ENTREP2: variants seen among roughly 807,000 people sequenced by gnomAD.
ENTREP2 encodes protein ENTREP2.
chr15:29,536,505 G>A, the ENTREP2 span, among the ~76,000 whole-genome samples: 1 of 151,762 alleles, frequency 6.6e-6, no homozygotes, highest in Non-Finnish European at 1.5e-5. Context: ...TCAGGAGGCT[G>A]AGGCAGAAGA....
chr15:29,484,041 T>C, the ENTREP2 span, among the ~76,000 whole-genome samples: 2 of 152,320 alleles, frequency 1.3e-5, no homozygotes, highest in Non-Finnish European at 2.9e-5. Context: ...CAGGTAGACA[T>C]GTGCAACCCA....
the ENTREP2 span, among the ~76,000 whole-genome samples, chr15:29,312,603 G>A: frequency 5.9e-5 from 9 of 152,086 alleles, no homozygotes; most frequent in African/African-American, 2.2e-4. Flanking sequence ...AGTGGCCTGT[G>A]ATCAGTGACC....
At chr15:29,329,607 A>C in the ENTREP2 span, among the ~76,000 whole-genome samples, 1 of 152,194 alleles carries the variant, frequency 6.6e-6, no homozygotes, top group Non-Finnish European at 1.5e-5. Flanking sequence ...AACCAAAAGA[A>C]CCAGAGCTTT....
chr15:29,622,231 G>A, the ENTREP2 span, among the ~76,000 whole-genome samples: 1 of 150,882 alleles, frequency 6.6e-6, no homozygotes, highest in African/African-American at 2.5e-5. Context: ...TTTTGAGATG[G>A]AGTCTAGCTC....
the ENTREP2 span, among the ~76,000 whole-genome samples, chr15:29,233,176 T>A: frequency 6.6e-6 from 1 of 152,228 alleles, no homozygotes; most frequent in Non-Finnish European, 1.5e-5. Flanking sequence ...CAAGTGGAAG[T>A]GGGAGCTTCT....
the ENTREP2 span, among the ~76,000 whole-genome samples, chr15:29,621,205 C>T: frequency 6.0e-5 from 9 of 150,840 alleles, no homozygotes; most frequent in African/African-American, 2.0e-4. Context: ...CTGGCTAACA[C>T]GGTGAAACCC....
the ENTREP2 span, among the ~76,000 whole-genome samples, chr15:29,286,663 C>T: frequency 6.6e-6 from 1 of 152,232 alleles, no homozygotes; most frequent in South Asian, 2.1e-4. Flanking sequence ...TAGTGCTCTC[C>T]TTGCACGGAC....
At chr15:29,669,764 G>A in the ENTREP2 span, among the ~76,000 whole-genome samples, 1 of 152,292 alleles carries the variant, frequency 6.6e-6, no homozygotes, top group South Asian at 2.1e-4. Flanking sequence ...CTGGAGAGAG[G>A]TGATTGAATT....
At chr15:29,601,960 A>C in the ENTREP2 span, among the ~76,000 whole-genome samples, 86 of 152,316 alleles carry the variant, frequency 5.6e-4, 2 homozygotes, top group East Asian at 0.014. Flanking sequence ...TTACATAGTG[A>C]TTTGTGGACT....
At chr15:29,189,559 G>A in the ENTREP2 span, among the ~76,000 whole-genome samples, 4 of 151,974 alleles carry the variant, frequency 2.6e-5, no homozygotes, top group African/African-American at 9.7e-5. Context: ...TTGTGGCTCA[G>A]TAAATTAAAC....
chr15:29,457,328 A>AT, the ENTREP2 span, among the ~76,000 whole-genome samples: 1 of 152,210 alleles, frequency 6.6e-6, no homozygotes, highest in African/African-American at 2.4e-5. Context: ...ATTGTACTGA[A>AT]TAACAGCTTT....
At chr15:29,281,787 G>A in the ENTREP2 span, among the ~76,000 whole-genome samples, 6 of 152,166 alleles carry the variant, frequency 3.9e-5, no homozygotes, top group African/African-American at 1.2e-4. Flanking sequence ...GTAGACTAGG[G>A]AGTCCCAACA....
chr15:29,150,929 GAC>G, the ENTREP2 span, among the ~76,000 whole-genome samples: 2 of 152,080 alleles, frequency 1.3e-5, no homozygotes, highest in Non-Finnish European at 2.9e-5. Flanking sequence ...GAGGCAGAAA[GAC>G]ACACACAGAG....
chr15:29,624,933 T>G, the ENTREP2 span, among the ~76,000 whole-genome samples: 4 of 151,740 alleles, frequency 2.6e-5, no homozygotes, highest in African/African-American at 9.7e-5. Flanking sequence ...TTTTACCCTA[T>G]GTGTAGATTT....
chr15:29,489,280 C>G, the ENTREP2 span, among the ~76,000 whole-genome samples: 1 of 152,134 alleles, frequency 6.6e-6, no homozygotes, highest in African/African-American at 2.4e-5. Flanking sequence ...AGCGAGGGTA[C>G]TGATTTAAGA....
chr15:29,293,423 AT>A, the ENTREP2 span, among the ~76,000 whole-genome samples: 187 of 143,520 alleles, frequency 1.3e-3, no homozygotes, highest in East Asian at 1.4e-3. Context: ...AATTTTTTGT[AT>A]TTTTTTTTTT....
the ENTREP2 span, among the ~76,000 whole-genome samples, chr15:29,600,617 T>A: frequency 6.6e-6 from 1 of 152,164 alleles, no homozygotes; most frequent in Non-Finnish European, 1.5e-5. Flanking sequence ...TATCATGATG[T>A]CTTATTGTAT....
At chr15:29,155,650 C>A in the ENTREP2 span, among the ~76,000 whole-genome samples, 1 of 152,208 alleles carries the variant, frequency 6.6e-6, no homozygotes, top group African/African-American at 2.4e-5. Flanking sequence ...TCTACGCCCA[C>A]CCCAGGGAGT....
the ENTREP2 span, among the ~76,000 whole-genome samples, chr15:29,653,427 T>A: frequency 3.7e-3 from 570 of 152,264 alleles, 3 homozygotes; most frequent in African/African-American, 0.013. Context: ...CCACCCAAAA[T>A]TTCATTTTGA....
Sources: gnomAD v4.1 joint callset for allele counts (sites outside exome capture counted in the v4.1 genomes callset) on GRCh38, gnomAD v4.1.1 for gene constraint, MANE v1.5 for transcripts, NCBI Gene and HGNC (gene_info 2026-07-23, HGNC 2026-07-21) for gene names.